CTNND2: variants seen among roughly 807,000 people sequenced by gnomAD.
CTNND2 encodes catenin delta-2.
CTNND2 carries 22 observed loss-of-function variants against 144.4 expected under a neutral mutation model. The ratio of observed to expected loss-of-function variants is 0.15; its 90% CI spans 0.11 to 0.22. CTNND2 has a LOEUF of 0.22. Ranked by LOEUF, CTNND2 falls within the 10% of genes least tolerant of loss-of-function variation. The pLI is 1.00. For missense variants in CTNND2, 1,353 were observed against 1,618.8 expected, an observed-to-expected ratio of 0.84 and a Z score of 2.82; for synonymous variants, 751 against 695.6, an observed-to-expected ratio of 1.08 and a Z score of -1.25.
In CTNND2 at chr5:11,294,584, T is replaced by G. The variant is rs150005497; in HGVS notation, c.1628+51788A>C. Among the ~76,000 whole-genome samples, 543 of 152,232 alleles carry G rather than the reference T, an allele frequency of 3.6e-3. 3 individuals are homozygous for G. The highest frequency in any genetic ancestry group is 0.011 in the African/African-American group (471 of 41,554). ...AACACTTTAAGCTTGACAGTTTCAA[T>G]AAAATACTGGCAAACTGAATCCAGC... On this transcript the variant is annotated intron_variant, in intron 9 of 21. Transcript: ENST00000304623.
chr5:11,492,611 G>C (rs1217867287), intron 3 of CTNND2, among the ~76,000 whole-genome samples: 1 of 150,858 alleles, frequency 6.6e-6, no homozygotes, highest in African/African-American at 2.4e-5. Context: ...ATACAAAGTA[G>C]TAAAATAAAA....
intron 2 of CTNND2, among the ~76,000 whole-genome samples, chr5:11,623,838 A>G (rs1310335144): frequency 3.9e-5 from 5 of 126,910 alleles, no homozygotes; most frequent in Non-Finnish European, 6.5e-5. Context: ...ATATATATAT[A>G]TATATATATA....
intron 2 of CTNND2, among the ~76,000 whole-genome samples, chr5:11,666,608 TTC>T: frequency 6.6e-6 from 1 of 152,190 alleles, no homozygotes; most frequent in Non-Finnish European, 1.5e-5. Flanking sequence ...ATTGGAATTG[TTC>T]TCTTTATGCC....
At chr5:11,285,525 G>A (rs1212960038) in intron 9 of CTNND2, among the ~76,000 whole-genome samples, 2 of 152,166 alleles carry the variant, frequency 1.3e-5, no homozygotes, top group East Asian at 3.9e-4. Context: ...GACAGGTGCT[G>A]ATCAATATCT....
intron 2 of CTNND2, among the ~76,000 whole-genome samples, chr5:11,636,320 T>C (rs1781702137): frequency 6.6e-6 from 1 of 152,148 alleles, no homozygotes; most frequent in African/African-American, 2.4e-5. Flanking sequence ...CATCTTGTCT[T>C]CTCTTTCCTC....
At chr5:11,896,880 G>C (rs1304882301) in intron 1 of CTNND2, among the ~76,000 whole-genome samples, 3 of 152,076 alleles carry the variant, frequency 2.0e-5, no homozygotes, top group Non-Finnish European at 4.4e-5. Flanking sequence ...TCTTTGGCTA[G>C]AGGTGCCATA....
chr5:11,596,762 C>T (rs1358616714), intron 2 of CTNND2, among the ~76,000 whole-genome samples: 4 of 152,092 alleles, frequency 2.6e-5, no homozygotes, highest in Non-Finnish European at 5.9e-5. Context: ...AAGGTGCTGC[C>T]TTGGAGGTGA....
intron 1 of CTNND2, among the ~76,000 whole-genome samples, chr5:11,799,120 T>C (rs1791550262): frequency 1.3e-5 from 2 of 152,158 alleles, no homozygotes; most frequent in Admixed American, 6.5e-5. Flanking sequence ...TAAAGATTTG[T>C]AAAAATCTTT....
In CTNND2 at chr5:11,038,542, G is replaced by C. The variant is rs556391954; in HGVS notation, c.2789-15563C>G. ...ACAAAGGTTGGGGAACGTTGGCTTAGGGAATCCCAACTCTACAGGCAGTAT... is the reference window on the plus strand; with the variant it reads ...ACAAAGGTTGGGGAACGTTGGCTTACGGAATCCCAACTCTACAGGCAGTAT... On this transcript the variant is annotated intron_variant, in intron 16 of 21. Transcript: ENST00000304623. Among the ~76,000 whole-genome samples the C allele has an allele frequency of 2.0e-5, 3 of 152,290 alleles. No individual in the cohort carries two copies. The South Asian group carries it at 6.2e-4, about 32-fold the overall frequency.
chr5:11,598,480 G>A (rs1779628264), intron 2 of CTNND2, among the ~76,000 whole-genome samples: 2 of 152,022 alleles, frequency 1.3e-5, no homozygotes, highest in South Asian at 2.1e-4. Flanking sequence ...AGGTAATCAA[G>A]GTTGATATTG....
At chr5:11,094,652 G>T (rs11749238) in intron 15 of CTNND2, among the ~76,000 whole-genome samples, 4,812 of 151,996 alleles carry the variant, frequency 0.032, 118 homozygotes, top group Non-Finnish European at 0.05. Flanking sequence ...GCTAATTTTT[G>T]TATTTTTAAT....
chr5:11,628,505 A>G, intron 2 of CTNND2, among the ~76,000 whole-genome samples: 1 of 152,186 alleles, frequency 6.6e-6, no homozygotes, highest in African/African-American at 2.4e-5. Flanking sequence ...ACACAACATG[A>G]GTGTGATCCT....
chr5:11,501,655 G>A (rs75767046), intron 3 of CTNND2, among the ~76,000 whole-genome samples: 2,492 of 152,204 alleles, frequency 0.016, 69 homozygotes, highest in African/African-American at 0.057. Flanking sequence ...AGGTGGGAAC[G>A]CTGGGAGGTA....
At chr5:11,466,778 T>C (rs1258458450) in intron 3 of CTNND2, among the ~76,000 whole-genome samples, 4 of 152,174 alleles carry the variant, frequency 2.6e-5, no homozygotes, top group Admixed American at 1.3e-4. Context: ...ACTGACGCCA[T>C]CTCCTGCCTT....
At chr5:11,712,361 G>T (rs1291416029) in intron 2 of CTNND2, among the ~76,000 whole-genome samples, 2 of 151,878 alleles carry the variant, frequency 1.3e-5, no homozygotes, top group African/African-American at 2.4e-5. Context: ...TTTCAACAAA[G>T]TACCTCTCAG....
At chr5:11,117,928 AC>A (rs1753731886) in intron 12 of CTNND2, among the ~76,000 whole-genome samples, 1 of 152,218 alleles carries the variant, frequency 6.6e-6, no homozygotes, top group Non-Finnish European at 1.5e-5. Context: ...GGTCCGAAAC[AC>A]TTTCAAAGAC....
intron 8 of CTNND2, among the ~76,000 whole-genome samples, chr5:11,348,967 C>T (rs1310598185): frequency 6.6e-6 from 1 of 152,052 alleles, no homozygotes; most frequent in African/African-American, 2.4e-5. Flanking sequence ...CACTTTAGAC[C>T]CTTTCAGGGA....
At chr5:10,974,927 T>C (rs534652363) in intron 21 of CTNND2, among the ~76,000 whole-genome samples, 1 of 152,332 alleles carries the variant, frequency 6.6e-6, no homozygotes, top group South Asian at 2.1e-4. Context: ...GTAATCAACC[T>C]GATCTTCAAA....
chr5:11,101,930 T>A (rs979271331), intron 14 of CTNND2, among the ~76,000 whole-genome samples: 1 of 151,838 alleles, frequency 6.6e-6, no homozygotes, highest in Non-Finnish European at 1.5e-5. Flanking sequence ...TGTGTTTACA[T>A]CTTCACTCCT....
Sources: gnomAD v4.1 joint callset for allele counts (sites outside exome capture counted in the v4.1 genomes callset) on GRCh38, gnomAD v4.1.1 for gene constraint, MANE v1.5 for transcripts, NCBI Gene and HGNC (gene_info 2026-07-23, HGNC 2026-07-21) for gene names.